The following UCK1 variants were observed in gnomAD, a reference collection of about 807,000 sequenced individuals.
UCK1 encodes cytidine monophosphokinase 1.
UCK1 carries 20 observed loss-of-function variants against 34.0 expected under a neutral mutation model. The observed-to-expected ratio is 0.59, with a 90% confidence interval of 0.41 to 0.86. The LOEUF is 0.86. UCK1 is among the 40% of genes least tolerant of loss of function. The pLI is 0.00. For synonymous variants in UCK1, 168 were observed against 155.9 expected (o/e 1.08, Z -0.58); for missense variants, 343 against 383.6 (o/e 0.89, Z 0.88).
chr9:131,530,412 G>T, intron 2 of UCK1, 74 bp downstream of exon 2: 7 of 1,575,982 alleles, frequency 4.4e-6, no homozygotes, highest in Admixed American at 1.7e-5. Flanking sequence ...TCCAACCTTG[G>T]GCCCAAGCGC....
At chr9:131,526,521 G>C in intron 5 of UCK1, 2 of 1,289,466 alleles carry the variant, frequency 1.6e-6, no homozygotes, top group Non-Finnish European at 2.0e-6. Context: ...GGAAGGACAA[G>C]GATGGAGATA....
intron 1 of UCK1, 85 bp downstream of exon 1, chr9:131,530,982 C>A (rs1950821760): frequency 8.2e-7 from 1 of 1,221,994 alleles, no homozygotes; most frequent in Non-Finnish European, 1.0e-6. Context: ...GGGGGCCCCT[C>A]GGCCGGGGCT....
At chr9:131,527,340 A>C (rs1343663150) in intron 5 of UCK1, among the ~76,000 whole-genome samples, 1 of 152,028 alleles carries the variant, frequency 6.6e-6, no homozygotes, top group Non-Finnish European at 1.5e-5. Context: ...AAAACAAGCA[A>C]GCAAACAAAC....
intron 5 of UCK1, among the ~76,000 whole-genome samples, chr9:131,527,529 T>C (rs1176440635): frequency 6.6e-6 from 1 of 152,196 alleles, no homozygotes; most frequent in Non-Finnish European, 1.5e-5. Flanking sequence ...TAAAATTATA[T>C]TTTAGAAATT....
chr9:131,526,388 C>T (rs1290380939), intron 5 of UCK1: 1 of 1,288,364 alleles, frequency 7.8e-7, no homozygotes, highest in Non-Finnish European at 1.0e-6. Flanking sequence ...GGCACAGCAA[C>T]AGGACAGCCG....
In UCK1 at chr9:131,529,762, G is replaced by A. The variant is rs1950758710; in HGVS notation, c.269-178C>T. On this transcript the variant is annotated intron_variant, in intron 2 of 6. Transcript: ENST00000372215. ...TAGCAACAGTGCCCTCTGCAGCCCT[G>A]CAGACCACAGGATGACCCTGTCCTT... 2.0e-5 allele frequency among the ~76,000 whole-genome samples: 3 copies of A among 152,028 alleles called. No homozygotes were observed. In the South Asian group the frequency reaches 6.2e-4, roughly 32 times the overall value.
chr9:131,530,464 C>T (rs1187035543), intron 2 of UCK1, 22 bp downstream of exon 2: 1 of 1,613,046 alleles, frequency 6.2e-7, no homozygotes, highest in East Asian at 2.2e-5. Context: ...GCCCTCCCCA[C>T]ATCGTTGGGC....
At chr9:131,530,367 G>C in intron 2 of UCK1, 119 bp downstream of exon 2, 5 of 1,230,940 alleles carry the variant, frequency 4.1e-6, no homozygotes, top group Non-Finnish European at 4.7e-6. Context: ...GCTGCGTGGC[G>C]AGTTGGGGGA....
At chr9:131,528,725 G>A (rs1950706510) in intron 5 of UCK1, 3 of 604,594 alleles carry the variant, frequency 5.0e-6, no homozygotes, top group African/African-American at 1.9e-5. Context: ...GTGAATGTGG[G>A]GGAGATATGG....
In UCK1 at chr9:131,524,956, C is replaced by T; in HGVS notation, c.*84G>A. 5 of 1,502,084 alleles carry T rather than the reference C, an allele frequency of 3.3e-6. No individual in the cohort carries two copies. The highest frequency in any genetic ancestry group is 3.6e-6 in the Non-Finnish European group (4 of 1,114,306). 93.0% of individuals were successfully genotyped at this position (1,502,084 alleles called of 1,614,324 possible). ...TCCCCTGGGGTGCGCCGAGAGGAAG[C>T]AGTGGGTGTGGGTGGGCGTCCCCAG... On this transcript the variant is annotated 3_prime_UTR_variant, in exon 7 of 7. Coordinates refer to ENST00000372215, the MANE Select transcript of UCK1 (RefSeq NM_031432.5).
chr9:131,526,855 A>G (rs72757669), intron 5 of UCK1, among the ~76,000 whole-genome samples: 8,146 of 152,290 alleles, frequency 0.053, 537 homozygotes, highest in African/African-American at 0.15. Flanking sequence ...TTTCTATTCT[A>G]GTCTGATAGT....
chr9:131,526,056 ACAG>A (rs1950593917), intron 5 of UCK1, 79 bp from the exon 6 acceptor site: 1 of 1,563,468 alleles, frequency 6.4e-7, no homozygotes, highest in Non-Finnish European at 8.8e-7. Context: ...AACAGATGCA[ACAG>A]CAGGAGGGGC....
Position 131,524,070 on chromosome 9 carries a change from T to G in UCK1, c.*970A>C, listed in dbSNP as rs570120549. 7 of 152,368 alleles carry G rather than the reference T, an allele frequency of 4.6e-5. No homozygotes were observed. Among genetic ancestry groups the G allele is most frequent in the South Asian group, 4.1e-4 (2 of 4,832 alleles). 9.4% of individuals were successfully genotyped at this position (152,368 alleles called of 1,614,324 possible). The stretch of plus-strand genomic sequence containing the variant: ...GGTGTTCACATGTGAGGCTGTGAGC[T>G]CCACATAGCACAAAGGAGGCTTGCT... On this transcript the variant is annotated 3_prime_UTR_variant, in exon 7 of 7. Transcript: ENST00000372215.
intron 3 of UCK1, 27 bp downstream of exon 3, chr9:131,529,461 C>T (rs1564408256): frequency 8.1e-6 from 13 of 1,613,562 alleles, no homozygotes; most frequent in Admixed American, 1.7e-5. Flanking sequence ...CCCCTCTCCT[C>T]GGCCCTCCCT....
intron 5 of UCK1, among the ~76,000 whole-genome samples, chr9:131,528,281 T>A (rs1182777099): frequency 3.3e-5 from 5 of 152,184 alleles, no homozygotes; most frequent in Admixed American, 3.3e-4. Context: ...AGGCAAAATG[T>A]TCCCGTGCAA....
At position 131,531,194 on chromosome 9, in the gene UCK1, C is replaced by A. The variant is rs906442159; in HGVS notation, c.-20G>T. The A allele has an allele frequency of 1.9e-5, 27 of 1,389,400 alleles. No individual in the cohort carries two copies. The highest frequency in any genetic ancestry group is 2.4e-5 in the Non-Finnish European group (26 of 1,071,918). 86.1% of individuals were successfully genotyped at this position (1,389,400 alleles called of 1,614,324 possible). On this transcript the variant is annotated 5_prime_UTR_variant, in exon 1 of 7. The change abolishes an upstream ATG in the 5' untranslated region. Transcript: ENST00000372215. ...AGCCATCTCGGCCTCCGCTCCCGCG[C>A]ATCGGGTCCCCGCGCCCGCCCCTTC...
At chr9:131,527,008 G>T (rs968130084) in intron 5 of UCK1, among the ~76,000 whole-genome samples, 3 of 152,152 alleles carry the variant, frequency 2.0e-5, no homozygotes, top group African/African-American at 7.2e-5. Flanking sequence ...GGAAAAGGAG[G>T]CTCAAGAACG....
rs1950543087 is a variant in UCK1, at chr9:131,525,233, G to C, written c.653-12C>G. 1 of 1,612,972 alleles carries C rather than the reference G, an allele frequency of 6.2e-7. No homozygotes were observed. Among genetic ancestry groups the C allele is most frequent in the African/African-American group, 1.3e-5 (1 of 74,896 alleles). The stretch of plus-strand genomic sequence containing the variant: ...CAGGTTGATGGCAACTGCGCCAAGA[G>C]ACAGACAAGCAGCGGGTTAGCCGCA... On this transcript the variant is annotated splice_polypyrimidine_tract_variant and intron_variant, in intron 6 of 6. Transcript: ENST00000372215.
intron 5 of UCK1, chr9:131,526,546 G>A (rs1199011718): frequency 2.7e-5 from 35 of 1,288,312 alleles, no homozygotes; most frequent in Non-Finnish European, 3.4e-5. Flanking sequence ...AGGAAATGCA[G>A]GGCTGCTGGG....
Sources: allele counts gnomAD v4.1 joint callset (sites outside exome capture counted in the v4.1 genomes callset), GRCh38; gene constraint gnomAD v4.1.1; transcripts MANE v1.5; gene names NCBI Gene and HGNC (gene_info 2026-07-23, HGNC 2026-07-21).